GRIK3: variants seen among roughly 807,000 people sequenced by gnomAD.
The protein encoded by GRIK3 is glutamate receptor ionotropic, kainate 3.
A neutral mutation model predicts 102.5 loss-of-function variants in GRIK3; 29 were observed. That is an observed-to-expected ratio of 0.28 (90% CI 0.21 to 0.39). The LOEUF (loss-of-function observed/expected upper bound fraction) is 0.39, where lower values mean the gene tolerates loss of function less well. Ranked by LOEUF, GRIK3 falls within the 10% of genes least tolerant of loss-of-function variation. The pLI, the probability that GRIK3 is intolerant of heterozygous loss-of-function variation, is 1.00. For missense variants in GRIK3, 908 were observed against 1,252.4 expected, an observed-to-expected ratio of 0.73 and a Z score of 4.15; for synonymous variants, 511 against 504.9, an observed-to-expected ratio of 1.01 and a Z score of -0.16.
At position 37,029,103 on chromosome 1, in the gene GRIK3, T is replaced by C. The variant is rs576345321; in HGVS notation, c.115+4891A>G. Reference sequence around the variant, plus strand: ...CCGTCTCAGCACAGGCACACTGCCCTCTGGTGCTGCTGCTGAAGAATCAGC... The same window carrying C: ...CCGTCTCAGCACAGGCACACTGCCCCCTGGTGCTGCTGCTGAAGAATCAGC... On this transcript the variant is annotated intron_variant, in intron 1 of 15. Coordinates refer to ENST00000373091, the MANE Select transcript of GRIK3 (RefSeq NM_000831.4). Among the ~76,000 whole-genome samples the C allele has an allele frequency of 2.0e-5, 3 of 151,282 alleles. No homozygotes were observed. The South Asian group carries it at 6.2e-4, about 31-fold the overall frequency.
intron 1 of GRIK3, among the ~76,000 whole-genome samples, chr1:36,928,339 T>C (rs1641551582): frequency 6.6e-6 from 1 of 152,184 alleles, no homozygotes; most frequent in Non-Finnish European, 1.5e-5. Flanking sequence ...CACCCCAGAT[T>C]TCCAGGCCTG....
At chr1:36,934,980 G>T (rs939971767) in intron 1 of GRIK3, among the ~76,000 whole-genome samples, 9 of 152,098 alleles carry the variant, frequency 5.9e-5, no homozygotes, top group Non-Finnish European at 1.3e-4. Flanking sequence ...GTTGTATTTG[G>T]AGTAATTTAG....
At chr1:37,002,720 C>A (rs541312165) in intron 1 of GRIK3, among the ~76,000 whole-genome samples, 1 of 150,372 alleles carries the variant, frequency 6.7e-6, no homozygotes, top group African/African-American at 2.4e-5. Flanking sequence ...ACTCTGTCAC[C>A]CAGGCTGGAG....
intron 14 of GRIK3, 65 bp from the exon 15 acceptor site, chr1:36,805,302 C>G: frequency 2.0e-6 from 3 of 1,524,798 alleles, no homozygotes; most frequent in Non-Finnish European, 2.7e-6. Flanking sequence ...TTGGCTCTGC[C>G]AACACCCTGG....
chr1:36,909,413 C>G (rs1375283948), intron 1 of GRIK3, among the ~76,000 whole-genome samples: 2 of 151,978 alleles, frequency 1.3e-5, no homozygotes, highest in Admixed American at 6.6e-5. Flanking sequence ...ATTCTCCTGC[C>G]TCAGCCTCCT....
chr1:37,020,808 C>T lies in GRIK3; in HGVS notation c.115+13186G>A, dbSNP rs150396489. 1.1e-4 allele frequency among the ~76,000 whole-genome samples: 17 copies of T among 152,286 alleles called. No homozygotes were observed. The East Asian group carries it at 3.1e-3, about 28-fold the overall frequency. On this transcript the variant is annotated intron_variant, in intron 1 of 15. Coordinates refer to ENST00000373091, the MANE Select transcript of GRIK3 (RefSeq NM_000831.4). ...AAGACCTTACAATAACCCCACCACC[C>T]ATACTAGAAAAGCCAGCATGCAGAT...
intron 1 of GRIK3, among the ~76,000 whole-genome samples, chr1:36,980,996 A>G (rs1226029434): frequency 6.6e-6 from 1 of 152,196 alleles, no homozygotes; most frequent in Admixed American, 6.5e-5. Flanking sequence ...AACGATGACC[A>G]TAGCTGAAAC....
chr1:37,031,957 G>A (rs1303747247), intron 1 of GRIK3, among the ~76,000 whole-genome samples: 1 of 152,176 alleles, frequency 6.6e-6, no homozygotes, highest in Non-Finnish European at 1.5e-5. Context: ...CACGTTTGGC[G>A]CAGGCACAAC....
chr1:36,841,184 T>C (rs988242049), intron 10 of GRIK3, among the ~76,000 whole-genome samples: 10 of 152,010 alleles, frequency 6.6e-5, no homozygotes, highest in Non-Finnish European at 1.3e-4. Context: ...CCAGCTGTCC[T>C]CAGTCCTCTC....
chr1:36,922,629 T>C (rs1226180391), intron 1 of GRIK3, among the ~76,000 whole-genome samples: 1 of 152,224 alleles, frequency 6.6e-6, no homozygotes, highest in Non-Finnish European at 1.5e-5. Flanking sequence ...TGCGCTTATT[T>C]ATCAAGGAAG....
chr1:36,813,234 G>C (rs956225031), intron 13 of GRIK3, among the ~76,000 whole-genome samples: 1 of 152,184 alleles, frequency 6.6e-6, no homozygotes, highest in African/African-American at 2.4e-5. Flanking sequence ...GTTTCAAATG[G>C]AGATGATAAT....
chr1:37,017,211 T>C (rs1642660395), intron 1 of GRIK3, among the ~76,000 whole-genome samples: 1 of 113,912 alleles, frequency 8.8e-6, no homozygotes, highest in Non-Finnish European at 1.9e-5. Context: ...TGAGACTTTG[T>C]CTCAAAAAAA....
rs372111053 is a variant in GRIK3, at chr1:36,844,276, C to T, written c.1327-2337G>A. On this transcript the variant is annotated intron_variant, in intron 9 of 15. Transcript: ENST00000373091. ...AGGAAGCTGGACCCTCGGCTAGGCG[C>T]CATGCTTAATCTCAGTGCCTCTCTC... Among the ~76,000 whole-genome samples, 168 of 152,332 alleles carry T rather than the reference C, an allele frequency of 1.1e-3. 1 individual carries two copies. Among genetic ancestry groups the T allele is most frequent in the Non-Finnish European group, 1.8e-4 (12 of 68,036 alleles).
chr1:36,895,926 T>C (rs1641167343), intron 1 of GRIK3, among the ~76,000 whole-genome samples: 1 of 152,146 alleles, frequency 6.6e-6, no homozygotes, highest in African/African-American at 2.4e-5. Flanking sequence ...AAGAATTACA[T>C]CTGACTTCTC....
chr1:37,002,275 G>A (rs1012626190), intron 1 of GRIK3, among the ~76,000 whole-genome samples: 5 of 152,146 alleles, frequency 3.3e-5, no homozygotes, highest in African/African-American at 9.7e-5. Flanking sequence ...TTACTGGTTG[G>A]GCATATAGTC....
chr1:36,977,779 C>T (rs1457341074), intron 1 of GRIK3, among the ~76,000 whole-genome samples: 1 of 152,176 alleles, frequency 6.6e-6, no homozygotes, highest in Non-Finnish European at 1.5e-5. Flanking sequence ...CAAGACCCAC[C>T]CACCCATTAG....
intron 10 of GRIK3, among the ~76,000 whole-genome samples, chr1:36,828,257 T>C (rs1184123426): frequency 2.0e-5 from 3 of 152,136 alleles, no homozygotes; most frequent in African/African-American, 7.2e-5. Flanking sequence ...TAGGATTCTC[T>C]GTAATGTTGA....
At position 37,031,124 on chromosome 1, in the gene GRIK3, A is replaced by G. The variant is rs1442021163; in HGVS notation, c.115+2870T>C. Among the ~76,000 whole-genome samples the G allele has an allele frequency of 5.3e-5, 8 of 152,220 alleles. 1 individual carries two copies. In the East Asian group the frequency reaches 1.5e-3, roughly 29 times the overall value. ...ACTGGGATTCACCCAAACAATAATA[A>G]CGACGATAATAATAATAAAATGCCA... On this transcript the variant is annotated intron_variant, in intron 1 of 15. Transcript: ENST00000373091.
intron 1 of GRIK3, among the ~76,000 whole-genome samples, chr1:36,971,818 C>T (rs1404102461): frequency 1.3e-5 from 2 of 152,160 alleles, no homozygotes; most frequent in Non-Finnish European, 2.9e-5. Context: ...CCCCACCTGA[C>T]ACCTTCCTTT....
Sources: allele counts gnomAD v4.1 joint callset (sites outside exome capture counted in the v4.1 genomes callset), GRCh38; gene constraint gnomAD v4.1.1; transcripts MANE v1.5; gene names NCBI Gene and HGNC (gene_info 2026-07-23, HGNC 2026-07-21).